The following MTMR12 variants were observed in gnomAD, a reference collection of about 807,000 sequenced individuals.
MTMR12 encodes the protein myotubularin-related protein 12.
In MTMR12, 33 loss-of-function variants were observed where a neutral mutation model predicts 96.7. The observed-to-expected ratio is 0.34, with a 90% CI of 0.26 to 0.46. The LOEUF is 0.46. Ranked by LOEUF, MTMR12 falls within the 20% of genes least tolerant of loss-of-function variation. The pLI, the probability that MTMR12 is intolerant of heterozygous loss-of-function variation, is 1.00. For synonymous variants in MTMR12, 298 were observed against 327.2 expected, an observed-to-expected ratio of 0.91 and a Z score of 0.96; for missense variants, 721 against 896.1, an observed-to-expected ratio of 0.80 and a Z score of 2.49.
Position 32,230,142 on chromosome 5 carries a change from A to G in MTMR12, c.1880T>C (p.Leu627Ser), listed in dbSNP as rs1747936526. ...TTCGGGCCCCTCGATATGCGGTAAC[A>G]ACAAACCATGGTAGTCAGTGGACTT... ...HSKSTDYHGL[L>S]LPHIEGPEIK... Residue 627 changes from leucine to serine, a missense_variant, in exon 16 of 16, where the codon TTG becomes TCG. Leu to Ser is a moderately radical substitution (Grantham distance 145). Transcript: ENST00000382142. 6.2e-7 allele frequency: 1 copy of G among 1,613,956 alleles called. No homozygotes were observed. Among genetic ancestry groups the G allele is most frequent in the Non-Finnish European group, 8.5e-7 (1 of 1,179,970 alleles).
rs1453358344 is a variant in MTMR12, at chr5:32,229,883, T to C, written c.2139A>G (p.Arg713=). 5 of 1,611,922 alleles carry C rather than the reference T, an allele frequency of 3.1e-6. No homozygotes were observed. The South Asian group carries it at 4.4e-5, about 14-fold the overall frequency. ...TGGGTAAGACGGGCTTAGAGGAATG[T>C]CGCTGGAGCAGAGCGAAAGGAAACA... ...SSLFPFALLQ[R]HSSKPVLPTS... The change falls in exon 16 of 16, where the codon CGA becomes CGG. Residue 713 remains arginine, a synonymous_variant. Transcript: ENST00000382142.
At chr5:32,253,886 C>T (rs1053166701) in intron 8 of MTMR12, among the ~76,000 whole-genome samples, 6 of 152,208 alleles carry the variant, frequency 3.9e-5, no homozygotes, top group East Asian at 1.9e-4. Context: ...GGTCTCCCAA[C>T]GTGCTGGGAT....
At chr5:32,260,739 G>A (rs1176289180) in intron 7 of MTMR12, among the ~76,000 whole-genome samples, 1 of 150,680 alleles carries the variant, frequency 6.6e-6, no homozygotes, top group African/African-American at 2.4e-5. Flanking sequence ...CGGGGGGGAG[G>A]GGGACCAGTG....
chr5:32,239,895 T>C (rs1208955667), intron 12 of MTMR12, among the ~76,000 whole-genome samples: 1 of 152,196 alleles, frequency 6.6e-6, no homozygotes, highest in African/African-American at 2.4e-5. Context: ...TGATGAAAAG[T>C]CCACTCACAT....
intron 1 of MTMR12, chr5:32,309,756 G>A (rs949047016): frequency 5.9e-5 from 9 of 151,568 alleles, no homozygotes; most frequent in African/African-American, 2.2e-4. Context: ...TTCGTGAAGC[G>A]TTTCATATTT....
intron 1 of MTMR12, among the ~76,000 whole-genome samples, chr5:32,309,341 G>A (rs2111555524): frequency 6.6e-6 from 1 of 152,200 alleles, no homozygotes; most frequent in East Asian, 1.9e-4. Context: ...ACAAGCATAG[G>A]CAACCAAAGC....
chr5:32,266,157 A>G (rs1749583492), intron 6 of MTMR12, among the ~76,000 whole-genome samples: 1 of 152,138 alleles, frequency 6.6e-6, no homozygotes, highest in African/African-American at 2.4e-5. Flanking sequence ...GGGCGCCTCC[A>G]CAGAGGACAC....
At chr5:32,230,933 A>G (rs1044872284) in intron 15 of MTMR12, among the ~76,000 whole-genome samples, 12 of 152,260 alleles carry the variant, frequency 7.9e-5, no homozygotes, top group African/African-American at 2.7e-4. Flanking sequence ...GAAAACAGGC[A>G]GGTGAGAGCA....
intron 1 of MTMR12, among the ~76,000 whole-genome samples, chr5:32,297,057 C>A (rs527497840): frequency 6.7e-6 from 1 of 149,812 alleles, no homozygotes; most frequent in African/African-American, 2.5e-5. Flanking sequence ...GAGCCGAGAT[C>A]GCGCCACTGC....
intron 8 of MTMR12, among the ~76,000 whole-genome samples, chr5:32,251,509 C>T (rs555621429): frequency 5.3e-5 from 8 of 152,172 alleles, no homozygotes; most frequent in South Asian, 2.1e-4. Context: ...GGGCTGCACA[C>T]GACGTAAGGA....
intron 1 of MTMR12, among the ~76,000 whole-genome samples, chr5:32,277,568 G>A (rs558704786): frequency 1.3e-5 from 2 of 152,096 alleles, no homozygotes; most frequent in Non-Finnish European, 2.9e-5. Context: ...GCATGGTAGT[G>A]AGTGCCTGTA....
At chr5:32,231,422 G>A (rs111280697) in intron 15 of MTMR12, among the ~76,000 whole-genome samples, 3,163 of 149,470 alleles carry the variant, frequency 0.021, 106 homozygotes, top group African/African-American at 0.077. Flanking sequence ...GATGGATGTG[G>A]TCGGAAGGTC....
intron 1 of MTMR12, among the ~76,000 whole-genome samples, chr5:32,289,143 G>A (rs928834320): frequency 6.6e-5 from 10 of 152,166 alleles, no homozygotes; most frequent in Non-Finnish European, 1.3e-4. Context: ...GTAATGGATG[G>A]TAGAGACAAA....
At chr5:32,297,504 T>A (rs2112146632) in intron 1 of MTMR12, among the ~76,000 whole-genome samples, 1 of 152,086 alleles carries the variant, frequency 6.6e-6, no homozygotes, top group South Asian at 2.1e-4. Flanking sequence ...TTGGCCATTC[T>A]AAATCCTTTT....
At chr5:32,305,808 CAGG>C (rs1403258894) in intron 1 of MTMR12, among the ~76,000 whole-genome samples, 2 of 151,406 alleles carry the variant, frequency 1.3e-5, no homozygotes, top group Non-Finnish European at 2.9e-5. Context: ...GAGGCTGAGG[CAGG>C]AGAATTGCTT....
intron 1 of MTMR12, among the ~76,000 whole-genome samples, chr5:32,308,674 C>T (rs1258452683): frequency 6.6e-6 from 1 of 151,874 alleles, no homozygotes; most frequent in Non-Finnish European, 1.5e-5. Context: ...GATCTTGGCT[C>T]ACTGCAACCT....
At chr5:32,258,054 G>C (rs911032385) in intron 7 of MTMR12, among the ~76,000 whole-genome samples, 4 of 152,086 alleles carry the variant, frequency 2.6e-5, no homozygotes, top group Admixed American at 1.3e-4. Context: ...TTGAGCCCAG[G>C]GGGTAGAGGT....
At chr5:32,247,768 G>A in intron 10 of MTMR12, 1 of 985,420 alleles carries the variant, frequency 1.0e-6, no homozygotes. Context: ...GGGGAGAAGA[G>A]GAGGGTGGCC....
chr5:32,265,023 C>T (rs1364784058), intron 6 of MTMR12, among the ~76,000 whole-genome samples: 1 of 151,946 alleles, frequency 6.6e-6, no homozygotes, highest in Non-Finnish European at 1.5e-5. Flanking sequence ...TTCCCATTTA[C>T]CACAGTAGGC....
Sources: gnomAD v4.1 joint callset for allele counts (sites outside exome capture counted in the v4.1 genomes callset) on GRCh38, gnomAD v4.1.1 for gene constraint, MANE v1.5 for transcripts, NCBI Gene and HGNC (gene_info 2026-07-23, HGNC 2026-07-21) for gene names.